NBEAL1: variants seen among roughly 807,000 people sequenced by gnomAD.
NBEAL1 encodes the protein neurobeachin like 1, also known as neurobeachin-like protein 1.
A neutral mutation model predicts 351.3 loss-of-function variants in NBEAL1; 273 were observed. The observed-to-expected ratio is 0.78, with a 90% CI of 0.70 to 0.86. The LOEUF is 0.86. NBEAL1 is among the 40% of genes least tolerant of loss of function. The pLI, the probability that NBEAL1 is intolerant of heterozygous loss-of-function variation, is 0.00. For synonymous variants in NBEAL1, 1,050 were observed against 1,086.4 expected (o/e 0.97, Z 0.66); for missense variants, 2,961 against 3,201.3 (o/e 0.92, Z 1.81).
In NBEAL1 at chr2:203,172,856, A is replaced by T. The variant is rs1440011467; in HGVS notation, c.6323+3A>T. 4.4e-6 allele frequency: 7 copies of T among 1,601,804 alleles called. No individual in the cohort carries two copies. The highest frequency in any genetic ancestry group is 6.0e-6 in the Non-Finnish European group (7 of 1,175,034). On this transcript the variant is annotated splice_donor_region_variant and intron_variant, in intron 41 of 55. Coordinates refer to ENST00000683969, the MANE Select transcript of NBEAL1 (RefSeq NM_001378026.1). ...AACGCCAAAGCTATGAGAGAAAAGT[A>T]AGTGCTTCTTATTCCTTTTATAAAA...
intron 10 of NBEAL1, among the ~76,000 whole-genome samples, chr2:203,092,220 GA>G (rs2062079135): frequency 1.3e-5 from 2 of 152,162 alleles, no homozygotes; most frequent in African/African-American, 4.8e-5. Context: ...ATTTGCTTTT[GA>G]ATTTTTTTAC....
chr2:203,077,726 T>C, intron 7 of NBEAL1, 26 bp from the exon 8 acceptor site: 1 of 1,155,956 alleles, frequency 8.7e-7, no homozygotes, highest in Non-Finnish European at 1.2e-6. Context: ...ATCTTATTTA[T>C]TTATTTATTT....
chr2:203,193,221 C>G (rs2065145922), intron 46 of NBEAL1, among the ~76,000 whole-genome samples: 2 of 152,064 alleles, frequency 1.3e-5, no homozygotes, highest in South Asian at 4.1e-4. Flanking sequence ...ATCCGCCCAC[C>G]TCAGCCTCCC....
chr2:203,217,419 AT>A lies in NBEAL1; in HGVS notation c.*66del. 1 of 1,441,228 alleles carries A rather than the reference AT, an allele frequency of 6.9e-7. No individual in the cohort carries two copies. The allele number at this position is 1,441,228 out of a possible 1,614,324, so 89.3% of individuals were successfully genotyped here. ...TTTATTGCTTTGTCACTTTAACCAC[AT>A]CTCTCAACTCTCTGCAATGTTGCAA... On this transcript the variant is annotated 3_prime_UTR_variant, in exon 56 of 56. Transcript: ENST00000683969.
Position 203,110,190 on chromosome 2 carries a change from A to G in NBEAL1, c.1990A>G (p.Thr664Ala). The G allele has an allele frequency of 6.4e-7, 1 of 1,553,250 alleles. No homozygotes were observed. The highest frequency in any genetic ancestry group is 8.7e-7 in the Non-Finnish European group (1 of 1,147,356). The change falls in exon 15 of 56, where the codon ACC (threonine) becomes GCC (alanine). Residue 664 changes from threonine (T) to alanine (A), a missense_variant. By Grantham distance (58) the Thr-to-Ala change is moderately conservative. Coordinates refer to ENST00000683969, the MANE Select transcript of NBEAL1 (RefSeq NM_001378026.1). ...GSGMGFEAFI[T>A]HSGMLVVAVC... ...TGGCATGGGTTTTGAAGCCTTTATT[A>G]CCCATTCAGGTATGTTGGTCGTGGC... is the stretch of plus-strand genomic sequence containing the variant.
intron 44 of NBEAL1, among the ~76,000 whole-genome samples, chr2:203,187,434 T>C (rs984360649): frequency 7.5e-5 from 11 of 146,830 alleles, no homozygotes; most frequent in Non-Finnish European, 1.5e-4. Flanking sequence ...TAAATTGTGC[T>C]TACAAATCAA....
At chr2:203,148,824 C>G (rs188817533) in intron 33 of NBEAL1, among the ~76,000 whole-genome samples, 167 bp from the exon 34 acceptor site, 1 of 151,676 alleles carries the variant, frequency 6.6e-6, no homozygotes, top group Non-Finnish European at 1.5e-5. Context: ...TATCACACTT[C>G]ATCAAAGAAA....
chr2:203,038,921 T>A (rs928786826), intron 2 of NBEAL1, among the ~76,000 whole-genome samples: 3 of 148,872 alleles, frequency 2.0e-5, no homozygotes, highest in Non-Finnish European at 4.5e-5. Context: ...CTCAAGCGAT[T>A]CTCTCACATC....
Position 203,175,175 on chromosome 2 carries a change from A to C in NBEAL1, c.6352A>C (p.Thr2118Pro). 2 of 1,612,076 alleles carry C rather than the reference A, an allele frequency of 1.2e-6. No individual in the cohort carries two copies. The highest frequency in any genetic ancestry group is 1.7e-6 in the Non-Finnish European group (2 of 1,179,146). The change falls in exon 42 of 56, where the codon ACT (threonine) becomes CCT (proline). Residue 2118 changes from threonine to proline, a missense_variant. Transcript: ENST00000683969. ...KYENFEDPMG[T>P]IDKFHYGTHY... ...TGAAAATTTTGAGGATCCTATGGGAACTATTGATAAGTTTCACTATGGTAC... is the reference window on the plus strand; with the variant it reads ...TGAAAATTTTGAGGATCCTATGGGACCTATTGATAAGTTTCACTATGGTAC...
chr2:203,145,214 A>T, intron 33 of NBEAL1, 54 bp downstream of exon 33: 1 of 1,522,168 alleles, frequency 6.6e-7, no homozygotes, highest in Non-Finnish European at 8.9e-7. Context: ...TAGGCATTTA[A>T]TATTGATTAA....
chr2:203,207,287 T>TG (rs1194853869), intron 51 of NBEAL1, among the ~76,000 whole-genome samples: 12 of 146,372 alleles, frequency 8.2e-5, no homozygotes, highest in Admixed American at 2.7e-4. Flanking sequence ...AGGAGGGAGG[T>TG]GGGGGGGTCA....
chr2:203,148,736 G>A (rs1259286006), intron 33 of NBEAL1, among the ~76,000 whole-genome samples: 3 of 151,418 alleles, frequency 2.0e-5, no homozygotes, highest in Non-Finnish European at 4.4e-5. Flanking sequence ...TTCCATTTTT[G>A]AAGTTCTTCA....
chr2:203,015,397 G>C (rs933710270), intron 1 of NBEAL1, among the ~76,000 whole-genome samples: 3 of 152,034 alleles, frequency 2.0e-5, no homozygotes, highest in African/African-American at 7.2e-5. Context: ...TAGAACAAAC[G>C]AACTGGGAAT....
intron 7 of NBEAL1, among the ~76,000 whole-genome samples, chr2:203,073,429 G>A (rs985867768): frequency 3.3e-5 from 5 of 152,068 alleles, no homozygotes; most frequent in African/African-American, 9.7e-5. Flanking sequence ...TTTCATTCCT[G>A]ACATTGATAA....
intron 1 of NBEAL1, 149 bp downstream of exon 1, chr2:203,015,131 G>A (rs1303071100): frequency 6.6e-6 from 1 of 152,610 alleles, no homozygotes; most frequent in Non-Finnish European, 1.5e-5. Context: ...CGATACTGTA[G>A]TGCAGGCTGG....
chr2:203,180,211 T>C (rs1018779398), intron 42 of NBEAL1, among the ~76,000 whole-genome samples, 171 bp from the exon 43 acceptor site: 9 of 152,156 alleles, frequency 5.9e-5, no homozygotes, highest in East Asian at 1.9e-4. Context: ...ATATGAAAGA[T>C]AGAGATTATC....
In NBEAL1 at chr2:203,068,448, A is replaced by T; in HGVS notation, c.571A>T (p.Thr191Ser). 1 of 1,546,642 alleles carries T rather than the reference A, an allele frequency of 6.5e-7. No individual in the cohort carries two copies. Among genetic ancestry groups the T allele is most frequent in the African/African-American group, 1.4e-5 (1 of 73,080 alleles). ...ACAGAAATATAAACCAGCTTCTCTCACAGTGGAATTCGTCCCTTTCTTTTA... is the reference window on the plus strand; with the variant it reads ...ACAGAAATATAAACCAGCTTCTCTCTCAGTGGAATTCGTCCCTTTCTTTTA... Reference protein sequence around the residue: ...SRQKYKPASLTVEFVPFFYQC... With the variant: ...SRQKYKPASLSVEFVPFFYQC... Residue 191 changes from threonine to serine, a missense_variant, in exon 7 of 56, where the codon ACA (threonine) becomes TCA (serine). Thr to Ser is a moderately conservative substitution (Grantham distance 58). Coordinates refer to ENST00000683969, the MANE Select transcript of NBEAL1 (RefSeq NM_001378026.1).
rs960172434 is a variant in NBEAL1, at chr2:203,223,974, C to T, written c.*6620C>T. The stretch of plus-strand genomic sequence containing the variant: ...TCAGACTTAATTGAAAAACTGTCAG[C>T]GTCTGTTTTGTATATAGGGATTAAA... On this transcript the variant is annotated 3_prime_UTR_variant, in exon 56 of 56. Transcript: ENST00000683969. Among the ~76,000 whole-genome samples the T allele has an allele frequency of 1.3e-5, 2 of 151,996 alleles. No individual in the cohort carries two copies. Among genetic ancestry groups the T allele is most frequent in the East Asian group, 1.9e-4 (1 of 5,182 alleles).
At position 203,148,963 on chromosome 2, in the gene NBEAL1, T is replaced by G. The variant is rs762361412; in HGVS notation, c.5305-28T>G. 7 of 1,584,574 alleles carry G rather than the reference T, an allele frequency of 4.4e-6. No homozygotes were observed. In the African/African-American group the frequency reaches 9.5e-5, roughly 21 times the overall value. ...ATATACCTGTAAATATATGAGTCAATGACCTTACTTTTTATTGTTTCTTTC... is the reference window on the plus strand; with the variant it reads ...ATATACCTGTAAATATATGAGTCAAGGACCTTACTTTTTATTGTTTCTTTC... On this transcript the variant is annotated intron_variant, in intron 33 of 55. Transcript: ENST00000683969.
Sources: gnomAD v4.1 joint callset for allele counts (sites outside exome capture counted in the v4.1 genomes callset) on GRCh38, gnomAD v4.1.1 for gene constraint, MANE v1.5 for transcripts, NCBI Gene and HGNC (gene_info 2026-07-23, HGNC 2026-07-21) for gene names.